FAM110B: variants seen among roughly 807,000 people sequenced by gnomAD.
FAM110B encodes protein FAM110B.
In FAM110B, 6 loss-of-function variants were observed where a neutral mutation model predicts 20.4. The ratio of observed to expected loss-of-function variants is 0.29; its 90% CI spans 0.16 to 0.58. The LOEUF is 0.58. Ranked by LOEUF, FAM110B falls within the 20% of genes least tolerant of loss-of-function variation. The probability of loss-of-function intolerance (pLI) is 0.90; values close to 1 mark genes in which losing one functional copy is unlikely to be tolerated. For synonymous variants in FAM110B, 226 were observed against 214.1 expected (o/e 1.06, Z -0.49); for missense variants, 434 against 498.2 (o/e 0.87, Z 1.23).
intron 3 of FAM110B, among the ~76,000 whole-genome samples, chr8:58,131,714 A>G (rs138962497): frequency 1.3e-5 from 2 of 152,366 alleles, no homozygotes; most frequent in African/African-American, 4.8e-5. Flanking sequence ...ATTGATTGCC[A>G]TATATGTGAG....
intron 3 of FAM110B, among the ~76,000 whole-genome samples, chr8:58,124,421 G>T (rs1807442238): frequency 1.3e-5 from 2 of 152,220 alleles, no homozygotes; most frequent in Non-Finnish European, 2.9e-5. Flanking sequence ...AAGCCAAACA[G>T]ATGGAACAGC....
intron 3 of FAM110B, among the ~76,000 whole-genome samples, chr8:58,109,098 G>A (rs564183584): frequency 6.6e-5 from 10 of 152,308 alleles, no homozygotes; most frequent in South Asian, 2.1e-4. Context: ...CGCACATTGT[G>A]TCAGTCTGCC....
intron 1 of FAM110B, among the ~76,000 whole-genome samples, chr8:58,017,132 A>G (rs976029558): frequency 1.3e-5 from 2 of 152,204 alleles, no homozygotes; most frequent in Admixed American, 1.3e-4. Flanking sequence ...CTTCTCAGTC[A>G]TGCAGCTTGG....
intron 2 of FAM110B, chr8:58,032,800 C>T (rs904683141): frequency 6.6e-6 from 1 of 152,082 alleles, no homozygotes; most frequent in Non-Finnish European, 1.5e-5. Flanking sequence ...AGGTGAACAC[C>T]CTTATCTTGG....
At chr8:58,036,307 G>A (rs150588079) in intron 2 of FAM110B, among the ~76,000 whole-genome samples, 173 of 152,254 alleles carry the variant, frequency 1.1e-3, no homozygotes, top group South Asian at 5.0e-3. Context: ...AAGTCTGTTT[G>A]CATTTCACAG....
intron 1 of FAM110B, among the ~76,000 whole-genome samples, chr8:58,008,959 C>G (rs535444149): frequency 6.6e-5 from 10 of 152,318 alleles, no homozygotes; most frequent in Non-Finnish European, 1.3e-4. Flanking sequence ...TTCTGGGTAC[C>G]CCTCCACCTT....
chr8:58,134,790 A>G (rs1803571025), intron 3 of FAM110B, among the ~76,000 whole-genome samples: 1 of 152,242 alleles, frequency 6.6e-6, no homozygotes, highest in Non-Finnish European at 1.5e-5. Flanking sequence ...GGAAAATTTA[A>G]AATGAACAGA....
Position 57,994,720 on chromosome 8 carries a change from C to G in FAM110B, c.-598C>G, listed in dbSNP as rs1251489025. 1 of 152,294 alleles carries G rather than the reference C, an allele frequency of 6.6e-6. No homozygotes were observed. The highest frequency in any genetic ancestry group is 1.5e-5 in the Non-Finnish European group (1 of 68,238). The allele number at this position is 152,294 out of a possible 1,614,324, so 9.4% of individuals were successfully genotyped here. ...CCCGCTCTCGGCCCTTCGTCCCTCG[C>G]GGGCCCCGACTCTCCCTCCTTGCAG... On this transcript the variant is annotated 5_prime_UTR_variant, in exon 1 of 4. Transcript: ENST00000519262.
chr8:58,123,889 A>T (rs754557562), intron 3 of FAM110B, among the ~76,000 whole-genome samples: 5 of 152,244 alleles, frequency 3.3e-5, no homozygotes, highest in Admixed American at 1.3e-4. Flanking sequence ...TGAGTTAATT[A>T]AGAGTGTTTG....
chr8:58,146,855 G>A lies in FAM110B; in HGVS notation c.625G>A (p.Val209Met), dbSNP rs769033676. The change falls in exon 4 of 4, where the codon GTG (valine) becomes ATG (methionine). Residue 209 changes from valine (V) to methionine (M), a missense_variant. Physicochemically the swap from Val to Met is conservative, Grantham distance 21 (BLOSUM62 1). Coordinates refer to ENST00000519262, the MANE Select transcript of FAM110B (RefSeq NM_001377989.1). The stretch of plus-strand genomic sequence containing the variant: ...TTCGGACATCCGCAAGGTGACCAGC[G>A]TGAAGCCCCTCAAGGCCATCCCCTG... ...SSSDIRKVTS[V>M]KPLKAIPCSS... 8.1e-6 allele frequency: 13 copies of A among 1,613,702 alleles called. No homozygotes were observed. In the Admixed American group the frequency reaches 1.2e-4, roughly 14 times the overall value.
chr8:58,060,831 C>T (rs1471589279), intron 2 of FAM110B, among the ~76,000 whole-genome samples: 1 of 152,110 alleles, frequency 6.6e-6, no homozygotes, highest in African/African-American at 2.4e-5. Context: ...AGGGCCCTGG[C>T]TCTGTCACCT....
At chr8:58,099,772 T>C (rs1308450073) in intron 3 of FAM110B, among the ~76,000 whole-genome samples, 1 of 151,428 alleles carries the variant, frequency 6.6e-6, no homozygotes, top group African/African-American at 2.4e-5. Flanking sequence ...ATGTCTTTTT[T>C]AGGTATTTTA....
At chr8:58,007,341 G>A (rs992188059) in intron 1 of FAM110B, among the ~76,000 whole-genome samples, 11 of 152,098 alleles carry the variant, frequency 7.2e-5, no homozygotes, top group Admixed American at 2.6e-4. Flanking sequence ...TTTGTGTATC[G>A]GATCACGTGG....
chr8:58,062,044 A>G (rs1563355360), intron 2 of FAM110B, among the ~76,000 whole-genome samples: 1 of 151,974 alleles, frequency 6.6e-6, no homozygotes, highest in South Asian at 2.1e-4. Flanking sequence ...GACACGATAC[A>G]TTTTTTTTCT....
intron 2 of FAM110B, among the ~76,000 whole-genome samples, chr8:58,034,028 G>A (rs531966042): frequency 2.5e-4 from 38 of 152,222 alleles, no homozygotes; most frequent in Admixed American, 1.8e-3. Context: ...CAATTTTGCC[G>A]TAAATTCCAG....
chr8:58,009,014 C>T (rs892408956), intron 1 of FAM110B, among the ~76,000 whole-genome samples: 5 of 152,192 alleles, frequency 3.3e-5, no homozygotes, highest in African/African-American at 1.2e-4. Context: ...GCTCTCTCTG[C>T]CTCTGAATAA....
intron 1 of FAM110B, among the ~76,000 whole-genome samples, chr8:58,015,293 G>T (rs768757615): frequency 1.3e-5 from 2 of 151,976 alleles, no homozygotes; most frequent in Non-Finnish European, 2.9e-5. Context: ...GGAGGTGGAG[G>T]TTGCAGTGAG....
At chr8:58,022,272 C>T (rs1351552681) in intron 1 of FAM110B, among the ~76,000 whole-genome samples, 1 of 152,136 alleles carries the variant, frequency 6.6e-6, no homozygotes, top group Non-Finnish European at 1.5e-5. Context: ...GCAAAATAAC[C>T]CAGTCACAGA....
chr8:58,130,192 TTTTGAACAG>T (rs1803415619), intron 3 of FAM110B, among the ~76,000 whole-genome samples: 1 of 152,216 alleles, frequency 6.6e-6, no homozygotes, highest in Non-Finnish European at 1.5e-5. Flanking sequence ...TGAATTCTAG[TTTTGAACAG>T]TTTGAATTGT....
Sources: gnomAD v4.1 joint callset for allele counts (sites outside exome capture counted in the v4.1 genomes callset) on GRCh38, gnomAD v4.1.1 for gene constraint, MANE v1.5 for transcripts, NCBI Gene and HGNC (gene_info 2026-07-23, HGNC 2026-07-21) for gene names.